Variants in PRKCZ observed in about 807,000 individuals in gnomAD.
PRKCZ encodes protein kinase C zeta type.
In PRKCZ, 33 loss-of-function variants were observed where a neutral mutation model predicts 79.5. The observed-to-expected ratio is 0.41, with a 90% CI of 0.31 to 0.55. The LOEUF (loss-of-function observed/expected upper bound fraction) is 0.55, where lower values mean the gene tolerates loss of function less well. Among genes scored for constraint, PRKCZ ranks in the 20% least tolerant of loss-of-function variants. PRKCZ has a pLI of 0.19. For missense variants in PRKCZ, 578 were observed against 813.5 expected (o/e 0.71, Z 3.52); for synonymous variants, 342 against 320.9 (o/e 1.07, Z -0.70).
intron 4 of PRKCZ, chr1:2,073,883 C>T (rs1437956597): frequency 1.7e-6 from 2 of 1,182,272 alleles, no homozygotes; most frequent in Non-Finnish European, 2.1e-6. Flanking sequence ...GCCCGCCGCG[C>T]ACAGAGCATA....
rs1394222390 is a variant in PRKCZ, at chr1:2,127,725, G to A, written c.335-7537G>A. ...TCCCGGTGGCTTTTTAGGACTCTGCGTTCGTGTTCTCCATTGTCCCTGGCA... is the reference window on the plus strand; with the variant it reads ...TCCCGGTGGCTTTTTAGGACTCTGCATTCGTGTTCTCCATTGTCCCTGGCA... On this transcript the variant is annotated intron_variant, in intron 4 of 17. Coordinates refer to ENST00000378567, the MANE Select transcript of PRKCZ (RefSeq NM_002744.6). This position sits in a 1 kb window ranked among gnomAD's most constrained non-coding sequence, Gnocchi z 5.1. 1.3e-5 allele frequency among the ~76,000 whole-genome samples: 2 copies of A among 152,194 alleles called. No homozygotes were observed. The highest frequency in any genetic ancestry group is 6.5e-5 in the Admixed American group (1 of 15,280).
chr1:2,175,357 ACCCCAAATCTACCCAAC>A, intron 16 of PRKCZ, 44 bp downstream of exon 16: 1 of 1,509,830 alleles, frequency 6.6e-7, no homozygotes, highest in Non-Finnish European at 9.1e-7. Flanking sequence ...CCCCATCCCA[ACCCCAAATCTACCCAAC>A]CCCCATCCCA....
At chr1:2,136,164 G>A (rs931188019) in intron 5 of PRKCZ, among the ~76,000 whole-genome samples, 2 of 152,192 alleles carry the variant, frequency 1.3e-5, no homozygotes, top group African/African-American at 4.8e-5. Flanking sequence ...GTCTCCTGGA[G>A]CGGCCTCAAG....
intron 4 of PRKCZ, among the ~76,000 whole-genome samples, chr1:2,112,820 G>A (rs1466934798): frequency 6.6e-6 from 1 of 152,046 alleles, no homozygotes; most frequent in Non-Finnish European, 1.5e-5. Flanking sequence ...CTCCCAAATA[G>A]CTGGGACTAC....
chr1:2,113,422 A>G (rs1571485980), intron 4 of PRKCZ, among the ~76,000 whole-genome samples: 1 of 151,322 alleles, frequency 6.6e-6, no homozygotes, highest in Non-Finnish European at 1.5e-5. Context: ...GGGCATTCAT[A>G]TTTTCTGCCC....
intron 4 of PRKCZ, among the ~76,000 whole-genome samples, chr1:2,130,292 G>A (rs2102981809): frequency 6.6e-6 from 1 of 152,354 alleles, no homozygotes; most frequent in South Asian, 2.1e-4. Flanking sequence ...CTGGGGACTG[G>A]CATGGACCCC....
intron 4 of PRKCZ, among the ~76,000 whole-genome samples, chr1:2,069,762 G>C (rs2678940): frequency 0.12 from 17,992 of 152,192 alleles, 3,469 homozygotes; most frequent in African/African-American, 0.4. Flanking sequence ...CCATCATGTG[G>C]AGGGAGGGGT....
At chr1:2,175,950 C>A (rs562527756) in intron 16 of PRKCZ, among the ~76,000 whole-genome samples, 4 of 152,198 alleles carry the variant, frequency 2.6e-5, no homozygotes, top group Non-Finnish European at 4.4e-5. Flanking sequence ...TAGAGAAGGG[C>A]GTTTGCTTTG....
At chr1:2,148,092 C>G (rs1187233162) in intron 7 of PRKCZ, among the ~76,000 whole-genome samples, 1 of 148,690 alleles carries the variant, frequency 6.7e-6, no homozygotes, top group East Asian at 2.1e-4. Flanking sequence ...TGTCTACTGA[C>G]CTCTCCATCT....
chr1:2,141,366 GAC>G (rs1677288621), intron 5 of PRKCZ: 6 of 128,110 alleles, frequency 4.7e-5, no homozygotes, highest in Middle Eastern at 4.1e-3. Context: ...TTTTTTTTGA[GAC>G]ACAGTCTCAC....
chr1:2,051,741 C>T (rs1382295216), intron 1 of PRKCZ, among the ~76,000 whole-genome samples: 3 of 152,096 alleles, frequency 2.0e-5, no homozygotes, highest in African/African-American at 7.2e-5. Flanking sequence ...CTCTATGGTG[C>T]CCTGCGAGTC....
intron 4 of PRKCZ, among the ~76,000 whole-genome samples, chr1:2,084,390 G>A (rs148558635): frequency 7.4e-4 from 113 of 152,330 alleles, no homozygotes; most frequent in Middle Eastern, 3.4e-3. Flanking sequence ...TCGGATTATG[G>A]TCATAGCTTG....
At chr1:2,093,095 C>T (rs1467014620) in intron 4 of PRKCZ, among the ~76,000 whole-genome samples, 1 of 152,212 alleles carries the variant, frequency 6.6e-6, no homozygotes. Context: ...AACAGGAACT[C>T]AAGAGAAAAG....
Position 2,094,459 on chromosome 1 carries a change from T to G in PRKCZ, c.334+34868T>G, listed in dbSNP as rs543931347. ...TTCTGAGGCACCCGCTGTGCCCGGC[T>G]CGTTGAACCTTGGGCGCTGCCCGTT... On this transcript the variant is annotated intron_variant, in intron 4 of 17. Coordinates refer to ENST00000378567, the MANE Select transcript of PRKCZ (RefSeq NM_002744.6). This position sits in a 1 kb window ranked among gnomAD's most constrained non-coding sequence, Gnocchi z 7.3. 2.5e-3 allele frequency among the ~76,000 whole-genome samples: 355 copies of G among 143,754 alleles called. 2 individuals are homozygous for G. Among genetic ancestry groups the G allele is most frequent in the African/African-American group, 8.9e-3 (337 of 37,726 alleles). 94.3% of individuals were successfully genotyped at this position (143,754 alleles called of 152,430 possible). A position where few individuals can be genotyped will look rare whatever the true frequency, so the allele number is the denominator to read the frequency against.
intron 4 of PRKCZ, among the ~76,000 whole-genome samples, chr1:2,069,090 C>T (rs758218754): frequency 3.9e-4 from 60 of 152,214 alleles, no homozygotes; most frequent in Non-Finnish European, 7.8e-4. Flanking sequence ...TCTTGAACGG[C>T]GTCCGTTCTG....
At chr1:2,110,031 C>T (rs1669409454) in intron 4 of PRKCZ, among the ~76,000 whole-genome samples, 1 of 151,954 alleles carries the variant, frequency 6.6e-6, no homozygotes, top group African/African-American at 2.4e-5. Context: ...TCGGGGCCCT[C>T]CCTGGGGGCA....
At chr1:2,132,264 C>T (rs1388761807) in intron 4 of PRKCZ, among the ~76,000 whole-genome samples, 4 of 152,218 alleles carry the variant, frequency 2.6e-5, no homozygotes, top group Admixed American at 1.3e-4. Context: ...CTCTGTCTTC[C>T]GTTGGACGCC....
rs1663840336 is a variant in PRKCZ, at chr1:2,082,949, C to T, written c.334+23358C>T. On this transcript the variant is annotated intron_variant, in intron 4 of 17. Coordinates refer to ENST00000378567, the MANE Select transcript of PRKCZ (RefSeq NM_002744.6). The surrounding 1 kb of genome is among the most constrained non-coding windows in gnomAD (Gnocchi z 4.4). ...TGGAGGGGCGGCATGAGGGAGCAAG[C>T]CACCTCGGGCACAGGTGAAGGACAG... Among the ~76,000 whole-genome samples, 1 of 152,042 alleles carries T rather than the reference C, an allele frequency of 6.6e-6. No homozygotes were observed. The highest frequency in any genetic ancestry group is 2.4e-5 in the African/African-American group (1 of 41,392).
intron 4 of PRKCZ, among the ~76,000 whole-genome samples, chr1:2,083,449 C>T (rs1161861632): frequency 6.6e-6 from 1 of 152,208 alleles, no homozygotes; most frequent in Non-Finnish European, 1.5e-5. Context: ...TCCTCATTAA[C>T]TCTAATTAAT....
Sources: gnomAD v4.1 joint callset for allele counts (sites outside exome capture counted in the v4.1 genomes callset) on GRCh38, gnomAD v4.1.1 for gene constraint, Gnocchi (gnomAD v3.1) non-coding constraint, MANE v1.5 for transcripts, NCBI Gene and HGNC (gene_info 2026-07-23, HGNC 2026-07-21) for gene names.